ACOXL: variants seen among roughly 807,000 people sequenced by gnomAD.
ACOXL encodes the protein acyl-coenzyme A oxidase-like protein.
A neutral mutation model predicts 71.9 loss-of-function variants in ACOXL; 70 were observed. The ratio of observed to expected loss-of-function variants is 0.97; its 90% CI spans 0.80 to 1.19. The LOEUF (loss-of-function observed/expected upper bound fraction) is 1.19. Among genes scored for constraint, ACOXL ranks in the 50% most tolerant of loss-of-function variants. The pLI is 0.00. For synonymous variants in ACOXL, 253 were observed against 281.6 expected (o/e 0.90, Z 1.02); for missense variants, 703 against 736.3 (o/e 0.95, Z 0.52).
At chr2:111,060,296 G>A (rs1409904423) in intron 16 of ACOXL, among the ~76,000 whole-genome samples, 1 of 152,116 alleles carries the variant, frequency 6.6e-6, no homozygotes, top group Admixed American at 6.5e-5. Context: ...CAAATGGGGA[G>A]AGTCAAGACT....
At chr2:110,880,902 C>A (rs1420787552) in intron 10 of ACOXL, among the ~76,000 whole-genome samples, 1 of 152,176 alleles carries the variant, frequency 6.6e-6, no homozygotes, top group Non-Finnish European at 1.5e-5. Flanking sequence ...TTGGGTATGG[C>A]AAATCTGGTT....
At chr2:110,880,187 G>A (rs897517756) in intron 10 of ACOXL, among the ~76,000 whole-genome samples, 2 of 149,264 alleles carry the variant, frequency 1.3e-5, no homozygotes, top group African/African-American at 4.9e-5. Flanking sequence ...AGAAAAGAAA[G>A]GAAAAAAGAA....
Position 110,980,351 on chromosome 2 carries a change from C to G in ACOXL, c.1060-6757C>G, listed in dbSNP as rs534624148. The stretch of plus-strand genomic sequence containing the variant: ...ACGCCCCTACTGTGGCATGAAGTAG[C>G]CTGGGCAAGTTCCAGGTAGGAGAGC... On this transcript the variant is annotated intron_variant, in intron 12 of 17. Transcript: ENST00000439055. 1.6e-4 allele frequency among the ~76,000 whole-genome samples: 24 copies of G among 152,324 alleles called. No homozygotes were observed. In the East Asian group the frequency reaches 3.1e-3, roughly 20 times the overall value.
At chr2:110,750,906 A>C (rs1033358895) in intron 1 of ACOXL, among the ~76,000 whole-genome samples, 3 of 151,948 alleles carry the variant, frequency 2.0e-5, no homozygotes, top group African/African-American at 7.2e-5. Context: ...GCTGATCTTG[A>C]ACTCCTCAGC....
At chr2:110,991,750 T>A (rs2063184095) in intron 13 of ACOXL, among the ~76,000 whole-genome samples, 1 of 152,194 alleles carries the variant, frequency 6.6e-6, no homozygotes, top group Non-Finnish European at 1.5e-5. Flanking sequence ...TCTTAAAGCT[T>A]GAAAACACGA....
chr2:110,979,584 G>A lies in ACOXL; in HGVS notation c.1060-7524G>A, dbSNP rs1222573220. ...GCAGGAGTGGTGTGCTCCTGAGCTG[G>A]ACTCCACTGGGCCAGTTACAGATGG... On this transcript the variant is annotated intron_variant, in intron 12 of 17. Transcript: ENST00000439055. 3.9e-5 allele frequency among the ~76,000 whole-genome samples: 6 copies of A among 152,184 alleles called. No individual in the cohort carries two copies. The East Asian group carries it at 1.2e-3, about 29-fold the overall frequency.
intron 16 of ACOXL, among the ~76,000 whole-genome samples, chr2:111,051,546 G>A (rs1057198742): frequency 2.0e-5 from 3 of 152,188 alleles, no homozygotes; most frequent in East Asian, 1.9e-4. Context: ...TTAGCTCACT[G>A]CAACTTCCAC....
At chr2:110,971,782 G>A (rs2062200706) in intron 12 of ACOXL, among the ~76,000 whole-genome samples, 1 of 152,070 alleles carries the variant, frequency 6.6e-6, no homozygotes. Context: ...TCTGTTTTTT[G>A]TCTCCCTCCT....
chr2:110,841,522 G>A (rs929593266), intron 10 of ACOXL, 117 bp downstream of exon 10: 11 of 747,682 alleles, frequency 1.5e-5, no homozygotes, highest in South Asian at 1.0e-4. Flanking sequence ...TGTGATGTCC[G>A]TGTCGCAGAT....
intron 16 of ACOXL, among the ~76,000 whole-genome samples, chr2:111,070,199 G>A (rs549482251): frequency 3.3e-5 from 5 of 152,274 alleles, no homozygotes; most frequent in African/African-American, 7.2e-5. Flanking sequence ...GCACATGCAC[G>A]TAAATGTTTA....
intron 2 of ACOXL, among the ~76,000 whole-genome samples, chr2:110,770,388 C>T (rs1366193686): frequency 6.6e-6 from 1 of 152,208 alleles, no homozygotes; most frequent in African/African-American, 2.4e-5. Flanking sequence ...AGGACCAATC[C>T]TGGAGTCTTC....
At chr2:110,750,524 C>T (rs1334958388) in intron 1 of ACOXL, among the ~76,000 whole-genome samples, 1 of 150,964 alleles carries the variant, frequency 6.6e-6, no homozygotes, top group Non-Finnish European at 1.5e-5. Flanking sequence ...AAAACAATGG[C>T]CCTACCATAA....
intron 10 of ACOXL, among the ~76,000 whole-genome samples, chr2:110,890,963 CT>C (rs1052171322): frequency 1.3e-5 from 2 of 151,130 alleles, no homozygotes; most frequent in Non-Finnish European, 3.0e-5. Context: ...TTTCTTTCAA[CT>C]TTTTTTTTGT....
chr2:111,086,867 C>G lies in ACOXL; in HGVS notation c.1441-5998C>G, dbSNP rs564303031. Among the ~76,000 whole-genome samples the G allele has an allele frequency of 3.9e-5, 6 of 152,286 alleles. No individual in the cohort carries two copies. The East Asian group carries it at 1.2e-3, about 29-fold the overall frequency. The stretch of plus-strand genomic sequence containing the variant: ...AGGAAGGGAGGAAGTCAAACTATTC[C>G]TGTTTGCAGACAACATGATTCTATG... On this transcript the variant is annotated intron_variant, in intron 16 of 17. Coordinates refer to ENST00000439055, the MANE Select transcript of ACOXL (RefSeq NM_001142807.4).
chr2:110,966,079 T>C (rs1173649509), intron 12 of ACOXL, among the ~76,000 whole-genome samples: 1 of 152,162 alleles, frequency 6.6e-6, no homozygotes, highest in East Asian at 1.9e-4. Flanking sequence ...TGGGAGCTGA[T>C]CTTCCACTGG....
intron 1 of ACOXL, among the ~76,000 whole-genome samples, chr2:110,748,351 G>A (rs1044606537): frequency 1.3e-5 from 2 of 152,212 alleles, no homozygotes; most frequent in African/African-American, 4.8e-5. Flanking sequence ...TGCCCAGGAT[G>A]CAGGGGGGTG....
chr2:111,045,414 C>CA (rs1281401260), intron 15 of ACOXL, among the ~76,000 whole-genome samples: 1 of 152,156 alleles, frequency 6.6e-6, no homozygotes, highest in East Asian at 1.9e-4. Context: ...GACCTGTTCT[C>CA]ATAGTGAGTG....
intron 13 of ACOXL, among the ~76,000 whole-genome samples, chr2:110,990,833 A>AT (rs2063141855): frequency 6.6e-6 from 1 of 152,162 alleles, no homozygotes; most frequent in Non-Finnish European, 1.5e-5. Context: ...CTACCCTTGC[A>AT]TGCTTAAGAA....
At chr2:111,092,826 G>C in intron 16 of ACOXL, 39 bp from the exon 17 acceptor site, 1 of 1,370,518 alleles carries the variant, frequency 7.3e-7, no homozygotes, top group East Asian at 2.3e-5. Context: ...CTAATATATT[G>C]CTATTTGTCC....
Sources: gnomAD v4.1 joint callset for allele counts (sites outside exome capture counted in the v4.1 genomes callset) on GRCh38, gnomAD v4.1.1 for gene constraint, MANE v1.5 for transcripts, NCBI Gene and HGNC (gene_info 2026-07-23, HGNC 2026-07-21) for gene names.